The following LSM5 variants were observed in gnomAD, a reference collection of about 807,000 sequenced individuals.
LSM5 encodes U6 snRNA-associated Sm-like protein LSm5.
Under a neutral mutation model 13.8 loss-of-function variants are expected in LSM5, and 8 were observed. The observed-to-expected ratio is 0.58, with a 90% CI of 0.34 to 1.04. The LOEUF (loss-of-function observed/expected upper bound fraction) is 1.04, where lower values mean the gene tolerates loss of function less well. Ranked by LOEUF, LSM5 falls within the 50% of genes least tolerant of loss-of-function variation. The pLI is 0.03. For synonymous variants in LSM5, 35 were observed against 37.0 expected, an observed-to-expected ratio of 0.95 and a Z score of 0.20; for missense variants, 80 against 108.1, an observed-to-expected ratio of 0.74 and a Z score of 1.15.
chr7:32,489,066 C>G (rs1435171987), intron 2 of LSM5, among the ~76,000 whole-genome samples, 183 bp downstream of exon 2: 2 of 152,230 alleles, frequency 1.3e-5, no homozygotes, highest in Non-Finnish European at 2.9e-5. Flanking sequence ...GGCTCAAATT[C>G]AAAATGCTTG....
upstream of LSM5, among the ~76,000 whole-genome samples, chr7:32,493,889 T>TC (rs1424130759): frequency 1.3e-4 from 20 of 150,948 alleles, no homozygotes; most frequent in Admixed American, 1.3e-3. Flanking sequence ...CTCGCTCTTG[T>TC]CCCCCAGGCT....
intron 2 of LSM5, 92 bp from the exon 3 acceptor site, chr7:32,488,744 G>T: frequency 1.1e-6 from 1 of 908,704 alleles, no homozygotes; most frequent in Non-Finnish European, 1.8e-6. Context: ...TTTGTTTTGA[G>T]ACAAAGTCTC....
Position 32,487,064 on chromosome 7 carries a change from C to A in LSM5, c.*197G>T. On this transcript the variant is annotated 3_prime_UTR_variant, in exon 5 of 5. Transcript: ENST00000450169. ...CCAAAAACACCTTTATTTTCATCTG[C>A]AAAGAAGAAGCTCTTTTCTTCTTTT... 1 of 610,686 alleles carries A rather than the reference C, an allele frequency of 1.6e-6. No homozygotes were observed. The allele number at this position is 610,686 out of a possible 1,614,324, so 37.8% of individuals were successfully genotyped here.
upstream of LSM5, among the ~76,000 whole-genome samples, chr7:32,493,921 G>C (rs959119652): frequency 7.0e-6 from 1 of 141,890 alleles, no homozygotes; most frequent in African/African-American, 2.6e-5. Context: ...GTGCAATCTT[G>C]GCTCACTGCA....
chr7:32,492,491 A>C (rs564584962), upstream of LSM5, among the ~76,000 whole-genome samples: 1 of 152,258 alleles, frequency 6.6e-6, no homozygotes, highest in South Asian at 2.1e-4. Flanking sequence ...ACTGCACTCC[A>C]GCCTGGCGAC....
rs370864276 is a variant in LSM5, at chr7:32,490,342, G to A, written c.24C>T (p.Asn8=). Residue 8 remains asparagine (N), a synonymous_variant, in exon 1 of 5, where the codon AAC becomes AAT. Coordinates refer to ENST00000450169, the MANE Select transcript of LSM5 (RefSeq NM_012322.3). ...TACCTAAGGGCAGCAGCTGCGACGG[G>A]TTGGTAGTAGCGTTAGCCGCCATGG... is the stretch of plus-strand genomic sequence containing the variant. The part of the protein sequence containing the change: MAANATT[N]PSQLLPLELV... The A allele has an allele frequency of 8.1e-6, 13 of 1,614,028 alleles. No homozygotes were observed. In the African/African-American group the frequency reaches 1.1e-4, roughly 13 times the overall value.
upstream of LSM5, among the ~76,000 whole-genome samples, chr7:32,491,372 GAAC>G (rs1236473944): frequency 1.1e-5 from 1 of 94,364 alleles, no homozygotes; most frequent in Non-Finnish European, 1.9e-5. Flanking sequence ...ACTCCAGCCT[GAAC>G]AACAAGAGCG....
Position 32,486,920 on chromosome 7 carries a change from C to A in LSM5, c.*341G>T. 1 of 240,186 alleles carries A rather than the reference C, an allele frequency of 4.2e-6. No individual in the cohort carries two copies. Among genetic ancestry groups the A allele is most frequent in the South Asian group, 7.5e-5 (1 of 13,294 alleles). The allele number at this position is 240,186 out of a possible 1,614,324, so 14.9% of individuals were successfully genotyped here. ...TTTGGAACAACTTTTGTTTGAGAAT[C>A]AAATGGTCACGTAAATGACAAAACA... On this transcript the variant is annotated 3_prime_UTR_variant, in exon 5 of 5. Transcript: ENST00000450169.
chr7:32,490,025 C>T, intron 1 of LSM5: 1 of 1,385,408 alleles, frequency 7.2e-7, no homozygotes, highest in Non-Finnish European at 9.5e-7. Flanking sequence ...GGCCTACTAC[C>T]TATAACACTG....
intron 3 of LSM5, 27 bp downstream of exon 3, chr7:32,488,598 T>G (rs771679653): frequency 6.6e-7 from 1 of 1,514,970 alleles, no homozygotes; most frequent in South Asian, 1.1e-5. Flanking sequence ...AAGAAGAGAT[T>G]CCCCCCAATT....
upstream of LSM5, among the ~76,000 whole-genome samples, chr7:32,493,637 C>T (rs1489491317): frequency 3.3e-5 from 5 of 152,126 alleles, no homozygotes; most frequent in East Asian, 1.9e-4. Context: ...CTCCACCTCC[C>T]GGGTTAGGGT....
At chr7:32,492,499 G>A (rs1161100933), upstream of LSM5, among the ~76,000 whole-genome samples, 1 of 151,432 alleles carries the variant, frequency 6.6e-6, no homozygotes, top group Non-Finnish European at 1.5e-5. Flanking sequence ...CCAGCCTGGC[G>A]ACGGAGTGAG....
rs537378521 is a variant in LSM5, at chr7:32,488,432, T to A, written c.170+193A>T. ...CCTTAAAACTGTGTCTCCACTAATA[T>A]TCTAGGCGTTTACTAATAATTACAT... On this transcript the variant is annotated intron_variant, in intron 3 of 4. Transcript: ENST00000450169. 10 of 523,982 alleles carry A rather than the reference T, an allele frequency of 1.9e-5. No homozygotes were observed. The Admixed American group carries it at 3.5e-4, about 18-fold the overall frequency. The allele number at this position is 523,982 out of a possible 1,614,324, so 32.5% of individuals were successfully genotyped here. A position where few individuals can be genotyped will look rare whatever the true frequency, so the allele number is the denominator to read the frequency against.
chr7:32,487,000 C>A lies in LSM5; in HGVS notation c.*261G>T. The A allele has an allele frequency of 2.1e-6, 1 of 470,938 alleles. No homozygotes were observed. The allele number at this position is 470,938 out of a possible 1,614,324, so 29.2% of individuals were successfully genotyped here. A position where few individuals can be genotyped will look rare whatever the true frequency, so the allele number is the denominator to read the frequency against. ...GGCAAAATAACTACAAACTTTGTTC[C>A]ACTGGCTACTGCAGTAGAATAAACA... On this transcript the variant is annotated 3_prime_UTR_variant, in exon 5 of 5. Transcript: ENST00000450169.
At chr7:32,491,302 CAGG>C (rs1786579706), upstream of LSM5, among the ~76,000 whole-genome samples, 1 of 145,272 alleles carries the variant, frequency 6.9e-6, no homozygotes, top group South Asian at 2.1e-4. Flanking sequence ...GAGGCAGAGG[CAGG>C]AGAACTGCTT....
chr7:32,490,007 GAGA>G lies in LSM5; in HGVS notation c.46+310_46+312del, dbSNP rs1326270254. The G allele has an allele frequency of 7.6e-6, 10 of 1,318,178 alleles. No individual in the cohort carries two copies. In the African/African-American group the frequency reaches 1.5e-4, roughly 20 times the overall value. The allele number at this position is 1,318,178 out of a possible 1,614,324, so 81.7% of individuals were successfully genotyped here. On this transcript the variant is annotated intron_variant, in intron 1 of 4. Transcript: ENST00000450169. ...ATCTGGGGATCGTAAACGCCAGGCT[GAGA>G]AGTAGGCCTACTACCTATAACACTG...
upstream of LSM5, among the ~76,000 whole-genome samples, chr7:32,492,093 T>C (rs140716179): frequency 6.6e-6 from 1 of 152,356 alleles, no homozygotes; most frequent in Non-Finnish European, 1.5e-5. Context: ...TCTTTTTTTC[T>C]TTTTGTCCAA....
At chr7:32,491,985 A>C (rs989443483), upstream of LSM5, among the ~76,000 whole-genome samples, 1 of 152,144 alleles carries the variant, frequency 6.6e-6, no homozygotes, top group African/African-American at 2.4e-5. Flanking sequence ...GATTCTCACT[A>C]TTTCATTCAC....
intron 1 of LSM5, among the ~76,000 whole-genome samples, chr7:32,489,870 T>C (rs907435012): frequency 1.3e-5 from 2 of 152,224 alleles, no homozygotes; most frequent in South Asian, 2.1e-4. Flanking sequence ...TTACTACTTA[T>C]TGAATGAATA....
Sources: allele counts gnomAD v4.1 joint callset (sites outside exome capture counted in the v4.1 genomes callset), GRCh38; gene constraint gnomAD v4.1.1; transcripts MANE v1.5; gene names NCBI Gene and HGNC (gene_info 2026-07-23, HGNC 2026-07-21).